CYP11B1: variants seen among roughly 807,000 people sequenced by gnomAD.
CYP11B1 encodes the protein cytochrome P450 family 11 subfamily B member 1.
A neutral mutation model predicts 48.3 loss-of-function variants in CYP11B1; 34 were observed. That is an observed-to-expected ratio of 0.70 (90% CI 0.54 to 0.94). The LOEUF is 0.94. Ranked by LOEUF, CYP11B1 falls within the 40% of genes least tolerant of loss-of-function variation. The pLI, the probability that CYP11B1 is intolerant of heterozygous loss-of-function variation, is 0.00. For missense variants in CYP11B1, 688 were observed against 657.4 expected (o/e 1.05, Z -0.51); for synonymous variants, 291 against 262.5 (o/e 1.11, Z -1.05).
chr8:142,878,285 TA>T (rs1305721508), intron 2 of CYP11B1, among the ~76,000 whole-genome samples: 1 of 152,160 alleles, frequency 6.6e-6, no homozygotes, highest in African/African-American at 2.4e-5. Context: ...CCCTTTTACC[TA>T]AACCCCACTA....
chr8:142,876,188 G>T, intron 5 of CYP11B1, 53 bp downstream of exon 5: 1 of 1,612,388 alleles, frequency 6.2e-7, no homozygotes, highest in Non-Finnish European at 8.5e-7. Context: ...GGCAGTGCCT[G>T]GGAGGCAGGC....
At position 142,879,599 on chromosome 8, in the gene CYP11B1, A is replaced by T. The variant is rs1817081484; in HGVS notation, c.215T>A (p.Phe72Tyr). The change falls in exon 1 of 9, where the codon TTC (phenylalanine) becomes TAC (tyrosine). Residue 72 changes from phenylalanine to tyrosine, a missense_variant. Physicochemically the swap from Phe to Tyr is conservative, Grantham distance 22. Coordinates refer to ENST00000292427, the MANE Select transcript of CYP11B1 (RefSeq NM_000497.4). The stretch of plus-strand genomic sequence containing the variant: ...CCTGAAAATGGGCCCTAGTTCCTGG[A>T]AGGTCTGGTGTACTTCCAGGTGCAG... Reference protein sequence around the residue: ...EDLHLEVHQTFQELGPIFRYD... With the variant: ...EDLHLEVHQTYQELGPIFRYD... 1 of 1,614,184 alleles carries T rather than the reference A, an allele frequency of 6.2e-7. No homozygotes were observed.
chr8:142,879,384 G>C lies in CYP11B1; in HGVS notation c.239+191C>G, dbSNP rs775669835. 7 of 1,610,878 alleles carry C rather than the reference G, an allele frequency of 4.3e-6. No individual in the cohort carries two copies. In the East Asian group the frequency reaches 1.3e-4, roughly 31 times the overall value. On this transcript the variant is annotated intron_variant, in intron 1 of 8. Coordinates refer to ENST00000292427, the MANE Select transcript of CYP11B1 (RefSeq NM_000497.4). ...AGTCCTGCCCTCTCTGCAGCGAGCT[G>C]GGATTTGCTCTGCACCATCCCCTGC...
rs1408330106 is a variant in CYP11B1, at chr8:142,874,471, G to T, written c.1414C>A (p.Gln472Lys). Residue 472 changes from glutamine to lysine, a missense_variant, in exon 9 of 9, where the codon CAG (glutamine) becomes AAG (lysine). Coordinates refer to ENST00000292427, the MANE Select transcript of CYP11B1 (RefSeq NM_000497.4). ...TCCTCTTGGGTTAGTGTCTCCACCTGGAGGTGTTTCAGCACCTAGGACAGA... is the reference window on the plus strand; with the variant it reads ...TCCTCTTGGGTTAGTGTCTCCACCTTGAGGTGTTTCAGCACCTAGGACAGA... Reference protein sequence around the residue: ...LLLHHVLKHLQVETLTQEDIK... With the variant: ...LLLHHVLKHLKVETLTQEDIK... The T allele has an allele frequency of 1.2e-6, 2 of 1,613,416 alleles. No homozygotes were observed. The highest frequency in any genetic ancestry group is 1.7e-6 in the Non-Finnish European group (2 of 1,179,336).
Position 142,872,741 on chromosome 8 carries a change from T to G in CYP11B1, c.*1632A>C, listed in dbSNP as rs1162824358. 1 of 152,180 alleles carries G rather than the reference T, an allele frequency of 6.6e-6. No homozygotes were observed. The highest frequency in any genetic ancestry group is 1.5e-5 in the Non-Finnish European group (1 of 68,036). The allele number at this position is 152,180 out of a possible 1,614,324, so 9.4% of individuals were successfully genotyped here. A position where few individuals can be genotyped will look rare whatever the true frequency, so the allele number is the denominator to read the frequency against. Reference sequence around the variant, plus strand: ...AGAAGCAGAGTAGTTTAATCTGAATTTTTGTGTCCGCCTCCAGAATTCATA... The same window carrying G: ...AGAAGCAGAGTAGTTTAATCTGAATGTTTGTGTCCGCCTCCAGAATTCATA... On this transcript the variant is annotated 3_prime_UTR_variant, in exon 9 of 9. Coordinates refer to ENST00000292427, the MANE Select transcript of CYP11B1 (RefSeq NM_000497.4).
At position 142,874,216 on chromosome 8, in the gene CYP11B1, G is replaced by T; in HGVS notation, c.*157C>A. On this transcript the variant is annotated 3_prime_UTR_variant, in exon 9 of 9. Coordinates refer to ENST00000292427, the MANE Select transcript of CYP11B1 (RefSeq NM_000497.4). The stretch of plus-strand genomic sequence containing the variant: ...ATTGCTGCTTAGCCTGGCAAACCCT[G>T]GTCCTAGAGGCCCTCGGGAGTTCCA... 1.5e-6 allele frequency: 1 copy of T among 679,934 alleles called. No homozygotes were observed. The highest frequency in any genetic ancestry group is 2.1e-5 in the Admixed American group (1 of 47,622). The allele number at this position is 679,934 out of a possible 1,614,324, so 42.1% of individuals were successfully genotyped here.
intron 2 of CYP11B1, 145 bp downstream of exon 2, chr8:142,878,887 G>A: frequency 7.9e-7 from 1 of 1,270,508 alleles, no homozygotes; most frequent in Non-Finnish European, 1.1e-6. Context: ...CGACCCCACG[G>A]AATGGCCGTC....
intron 2 of CYP11B1, chr8:142,877,946 A>G (rs1482228617): frequency 1.2e-5 from 10 of 801,252 alleles, no homozygotes; most frequent in Non-Finnish European, 1.6e-5. Flanking sequence ...CCTCAACACC[A>G]TGTGTGAAGA....
rs5295 is a variant in CYP11B1, at chr8:142,874,500, C to A, written c.1399-14G>T. On this transcript the variant is annotated splice_polypyrimidine_tract_variant and intron_variant, in intron 8 of 8. Coordinates refer to ENST00000292427, the MANE Select transcript of CYP11B1 (RefSeq NM_000497.4). ...GTGTTTCAGCACCTAGGACAGAAGC[C>A]GGGTTTCCATCTGGCTTGGTCCGCA... 6.3e-7 allele frequency: 1 copy of A among 1,588,404 alleles called. No individual in the cohort carries two copies. The highest frequency in any genetic ancestry group is 1.1e-5 in the South Asian group (1 of 90,540).
chr8:142,877,944 C>T (rs1184407153), intron 2 of CYP11B1: 1 of 843,424 alleles, frequency 1.2e-6, no homozygotes, highest in Non-Finnish European at 1.9e-6. Flanking sequence ...GACCTCAACA[C>T]CATGTGTGAA....
rs375429674 is a variant in CYP11B1 at position 142,874,066 on chromosome 8, G to A, written c.*307C>T. 6.5e-6 allele frequency: 3 copies of A among 464,928 alleles called. 1 individual carries two copies. Among genetic ancestry groups the A allele is most frequent in the African/African-American group, 3.9e-5 (2 of 50,740 alleles). 28.8% of individuals were successfully genotyped at this position (464,928 alleles called of 1,614,324 possible). ...CCACAGCACCCTTGTATGGCCACAC[G>A]AGGAGCCTGGAGCCAGCACTGGGAG... On this transcript the variant is annotated 3_prime_UTR_variant, in exon 9 of 9. Coordinates refer to ENST00000292427, the MANE Select transcript of CYP11B1 (RefSeq NM_000497.4).
intron 5 of CYP11B1, 49 bp from the exon 6 acceptor site, chr8:142,875,927 C>G (rs753900175): frequency 2.9e-5 from 46 of 1,609,310 alleles, no homozygotes; most frequent in Non-Finnish European, 3.6e-5. Context: ...GAGGACTCAG[C>G]CCCCGGGACA....
Position 142,875,100 on chromosome 8 carries a change from T to G in CYP11B1, c.1255A>C (p.Arg419=), listed in dbSNP as rs749285481. The G allele has an allele frequency of 6.2e-6, 10 of 1,614,062 alleles. No homozygotes were observed. The highest frequency in any genetic ancestry group is 7.6e-6 in the Non-Finnish European group (9 of 1,180,032). Residue 419 remains arginine, a synonymous_variant, in exon 8 of 9, where the codon AGG becomes CGG. Coordinates refer to ENST00000292427, the MANE Select transcript of CYP11B1 (RefSeq NM_000497.4). ...SLGRNPALFP[R]PERYNPQRWL... ...CGCTGGGGGTTATAGCGCTCAGGCC[T>G]CGGGAACAAGGCGGGGTTGCGACCC...
intron 8 of CYP11B1, 125 bp downstream of exon 8, chr8:142,874,832 G>T: frequency 1.6e-6 from 2 of 1,249,190 alleles, no homozygotes; most frequent in Non-Finnish European, 1.1e-6. Context: ...CCCAGTACCG[G>T]CTCTGCCCAG....
intron 8 of CYP11B1, 29 bp from the exon 9 acceptor site, chr8:142,874,515 C>G (rs1183824537): frequency 6.6e-7 from 1 of 1,516,148 alleles, no homozygotes; most frequent in Non-Finnish European, 9.2e-7. Context: ...TTCCATCTGG[C>G]TTGGTCCGCA....
At position 142,877,177 on chromosome 8, in the gene CYP11B1, T is replaced by C. The variant is rs61751148; in HGVS notation, c.441A>G (p.Glu147=). 3.1e-6 allele frequency: 5 copies of C among 1,611,750 alleles called. No individual in the cohort carries two copies. In the Admixed American group the frequency reaches 8.4e-5, roughly 27 times the overall value. Residue 147 remains glutamate (E), a synonymous_variant, in exon 3 of 9, where the codon GAA becomes GAG. Transcript: ENST00000292427. ...TCTGCACAGCGTTGGGCGACAGCAC[T>C]TCTGGATTCAGCCGCAATCGGTTGA... is the stretch of plus-strand genomic sequence containing the variant. ...WRFNRLRLNP[E]VLSPNAVQRF...
chr8:142,876,483 C>A (rs1396488181), intron 4 of CYP11B1, 88 bp from the exon 5 acceptor site: 112 of 1,541,856 alleles, frequency 7.3e-5, no homozygotes, highest in Non-Finnish European at 9.3e-5. Flanking sequence ...GCCCCGACAC[C>A]CAAGTCTCCC....
At position 142,876,983 on chromosome 8, in the gene CYP11B1, C is replaced by G. The variant is rs6398; in HGVS notation, c.595+40G>C. Reference sequence around the variant, plus strand: ...TCCCCCATCCCCGTCCCTGGCCACTCCAGGGTCTCTGAGGCTGGATCTTCC... The same window carrying G: ...TCCCCCATCCCCGTCCCTGGCCACTGCAGGGTCTCTGAGGCTGGATCTTCC... On this transcript the variant is annotated intron_variant, in intron 3 of 8. Transcript: ENST00000292427. 694 of 1,612,390 alleles carry G rather than the reference C, an allele frequency of 4.3e-4. 4 individuals are homozygous for G. In the African/African-American group the frequency reaches 8.2e-3, roughly 19 times the overall value.
chr8:142,875,466 A>T (rs907232131), intron 6 of CYP11B1, 154 bp from the exon 7 acceptor site: 3 of 1,153,584 alleles, frequency 2.6e-6, no homozygotes, highest in East Asian at 2.5e-5. Flanking sequence ...AGCCCGGCCA[A>T]ACCTCCCCTA....
Sources: gnomAD v4.1 joint callset for allele counts (sites outside exome capture counted in the v4.1 genomes callset) on GRCh38, gnomAD v4.1.1 for gene constraint, MANE v1.5 for transcripts, NCBI Gene and HGNC (gene_info 2026-07-23, HGNC 2026-07-21) for gene names.